Variants in VTI1B observed in about 807,000 individuals in gnomAD.
The protein encoded by VTI1B is vesicle transport through interaction with t-SNAREs homolog 1B.
VTI1B carries 18 observed loss-of-function variants against 28.6 expected under a neutral mutation model. That is an observed-to-expected ratio of 0.63 (90% CI 0.43 to 0.93). The LOEUF (loss-of-function observed/expected upper bound fraction) is 0.93. VTI1B is among the 40% of genes least tolerant of loss of function. The pLI, the probability that VTI1B is intolerant of heterozygous loss-of-function variation, is 0.00. For synonymous variants in VTI1B, 100 were observed against 107.9 expected, an observed-to-expected ratio of 0.93 and a Z score of 0.46; for missense variants, 283 against 297.0, an observed-to-expected ratio of 0.95 and a Z score of 0.35.
intron 1 of VTI1B, among the ~76,000 whole-genome samples, chr14:67,664,741 C>T (rs1342685110): frequency 6.6e-6 from 1 of 152,174 alleles, no homozygotes; most frequent in Non-Finnish European, 1.5e-5. Context: ...TCAAGTGATC[C>T]ATCCACCTCA....
At chr14:67,668,006 T>C (rs998352875) in intron 1 of VTI1B, among the ~76,000 whole-genome samples, 6 of 152,202 alleles carry the variant, frequency 3.9e-5, no homozygotes, top group Admixed American at 2.0e-4. Flanking sequence ...TTCTACAGTC[T>C]GTAAGTAATT....
rs1594832042 is a variant in VTI1B at position 67,650,629 on chromosome 14, G to T, written c.*756C>A. On this transcript the variant is annotated 3_prime_UTR_variant, in exon 6 of 6. Transcript: ENST00000554659. ...AAAATGGACTCTTGTTTTTACTTTGGCTTGTTCTCCCTGTCCCAGTGGGAT... is the reference window on the plus strand; with the variant it reads ...AAAATGGACTCTTGTTTTTACTTTGTCTTGTTCTCCCTGTCCCAGTGGGAT... The T allele has an allele frequency of 2.4e-6, 3 of 1,275,648 alleles. No individual in the cohort carries two copies. 79.0% of individuals were successfully genotyped at this position (1,275,648 alleles called of 1,614,324 possible).
At position 67,662,487 on chromosome 14, in the gene VTI1B, G is replaced by A; in HGVS notation, c.164C>T (p.Ala55Val). Residue 55 changes from alanine to valine, a missense_variant, in exon 2 of 6, where the codon GCA becomes GTA. By Grantham distance (64) the Ala-to-Val change is moderately conservative (BLOSUM62 0). Coordinates refer to ENST00000554659, the MANE Select transcript of VTI1B (RefSeq NM_006370.3). ...GTTCCTTGTTCTCACCGTTTCATTT[G>A]CTTCCTGTTGCTTTTCATCAAAATC... ...IRDFDEKQQEANETLAEMEEE... is the reference protein window; with the variant it reads ...IRDFDEKQQEVNETLAEMEEE... The A allele has an allele frequency of 6.2e-7, 1 of 1,611,682 alleles. No individual in the cohort carries two copies. The highest frequency in any genetic ancestry group is 8.5e-7 in the Non-Finnish European group (1 of 1,179,362).
chr14:67,673,135 G>T (rs1026283738), intron 1 of VTI1B, among the ~76,000 whole-genome samples: 2 of 152,158 alleles, frequency 1.3e-5, no homozygotes, highest in Non-Finnish European at 2.9e-5. Context: ...TTGAGGTCAG[G>T]AGTTAGAGAT....
intron 1 of VTI1B, among the ~76,000 whole-genome samples, chr14:67,665,805 C>A (rs993438049): frequency 3.3e-5 from 5 of 152,098 alleles, no homozygotes; most frequent in Admixed American, 3.3e-4. Context: ...ACACAAGATA[C>A]TTCAGACAAT....
chr14:67,663,275 T>TTA, intron 1 of VTI1B: 1 of 950,292 alleles, frequency 1.1e-6, no homozygotes. Flanking sequence ...TTCTGATAGT[T>TTA]TATACTACAG....
Position 67,674,587 on chromosome 14 carries a change from G to C in VTI1B, c.-98C>G. ...CGCCCAGCCCAGTGGCCATAACGGC[G>C]ACCGCCGCACCACCGCCGCCCAGGA... On this transcript the variant is annotated 5_prime_UTR_variant, in exon 1 of 6. Coordinates refer to ENST00000554659, the MANE Select transcript of VTI1B (RefSeq NM_006370.3). 1 of 1,009,348 alleles carries C rather than the reference G, an allele frequency of 9.9e-7. No homozygotes were observed. Among genetic ancestry groups the C allele is most frequent in the Non-Finnish European group, 1.3e-6 (1 of 743,066 alleles). The allele number at this position is 1,009,348 out of a possible 1,614,324, so 62.5% of individuals were successfully genotyped here. A position where few individuals can be genotyped will look rare whatever the true frequency, so the allele number is the denominator to read the frequency against.
chr14:67,648,323 T>C lies in VTI1B; in HGVS notation c.*3062A>G, dbSNP rs994578394. On this transcript the variant is annotated 3_prime_UTR_variant, in exon 6 of 6. Coordinates refer to ENST00000554659, the MANE Select transcript of VTI1B (RefSeq NM_006370.3). ...TAAACTTTTGTAGCTAAAAATTATA[T>C]GGCCATGCTAATAAAAAGGATATAG... 2.2e-5 allele frequency: 20 copies of C among 916,500 alleles called. No homozygotes were observed. The highest frequency in any genetic ancestry group is 4.0e-5 in the South Asian group (2 of 49,976). The allele number at this position is 916,500 out of a possible 1,614,324, so 56.8% of individuals were successfully genotyped here. A position where few individuals can be genotyped will look rare whatever the true frequency, so the allele number is the denominator to read the frequency against.
intron 1 of VTI1B, chr14:67,663,309 C>A: frequency 3.1e-6 from 2 of 647,942 alleles, no homozygotes; most frequent in Non-Finnish European, 2.5e-6. Context: ...AATATGATAG[C>A]AAGTTTCATT....
Position 67,648,349 on chromosome 14 carries a change from T to C in VTI1B, c.*3036A>G. 1 of 660,380 alleles carries C rather than the reference T, an allele frequency of 1.5e-6. No homozygotes were observed. Among genetic ancestry groups the C allele is most frequent in the Non-Finnish European group, 2.4e-6 (1 of 425,002 alleles). The allele number at this position is 660,380 out of a possible 1,614,324, so 40.9% of individuals were successfully genotyped here. The stretch of plus-strand genomic sequence containing the variant: ...GGCCATGCTAATAAAAAGGATATAG[T>C]CCTTTAGAGTCATGCTTGGACATGG... On this transcript the variant is annotated 3_prime_UTR_variant, in exon 6 of 6. Transcript: ENST00000554659.
chr14:67,651,595 C>CAA, intron 5 of VTI1B, 114 bp from the exon 6 acceptor site: 3 of 1,169,444 alleles, frequency 2.6e-6, no homozygotes, highest in Non-Finnish European at 2.4e-6. Flanking sequence ...TATGTTTGAT[C>CAA]ACACAGCCAC....
At chr14:67,660,288 A>C (rs2037319572) in intron 2 of VTI1B, 1 of 160,494 alleles carries the variant, frequency 6.2e-6, no homozygotes, top group Admixed American at 6.3e-5. Flanking sequence ...TGAAGATCGC[A>C]CAAAAAGGAG....
At chr14:67,654,946 A>G (rs965432373) in intron 4 of VTI1B, among the ~76,000 whole-genome samples, 1 of 146,786 alleles carries the variant, frequency 6.8e-6, no homozygotes, top group Non-Finnish European at 1.5e-5. Context: ...GGAGAATGGC[A>G]TGAACCTGGG....
At chr14:67,664,274 G>A (rs1207662073) in intron 1 of VTI1B, among the ~76,000 whole-genome samples, 1 of 152,004 alleles carries the variant, frequency 6.6e-6, no homozygotes, top group Non-Finnish European at 1.5e-5. Context: ...CTGAAATTCC[G>A]TACCCATCAA....
intron 1 of VTI1B, among the ~76,000 whole-genome samples, chr14:67,670,409 G>A (rs1434837373): frequency 6.6e-6 from 1 of 151,874 alleles, no homozygotes; most frequent in South Asian, 2.1e-4. Context: ...TTGCCTCTTC[G>A]CATTTCCCAT....
chr14:67,651,817 G>A (rs1455784871), intron 5 of VTI1B: 10 of 226,180 alleles, frequency 4.4e-5, no homozygotes, highest in Non-Finnish European at 7.9e-5. Flanking sequence ...GCTCAGGATG[G>A]GTCCTGCCCT....
intron 4 of VTI1B, among the ~76,000 whole-genome samples, chr14:67,655,210 A>T (rs1275356366): frequency 6.6e-6 from 1 of 151,810 alleles, no homozygotes; most frequent in Non-Finnish European, 1.5e-5. Flanking sequence ...GCACAGTAGC[A>T]CATGCCTGTA....
At chr14:67,657,356 C>A (rs2037271355) in intron 3 of VTI1B, 1 of 152,202 alleles carries the variant, frequency 6.6e-6, no homozygotes, top group Non-Finnish European at 1.5e-5. Context: ...CTTGAGCCTG[C>A]CACACTGGGG....
rs1184817054 is a variant in VTI1B, at chr14:67,651,434, A to G, written c.650T>C (p.Leu217Pro). The G allele has an allele frequency of 6.2e-7, 1 of 1,613,944 alleles. No homozygotes were observed. The highest frequency in any genetic ancestry group is 8.5e-7 in the Non-Finnish European group (1 of 1,179,902). The change falls in exon 6 of 6, where the codon CTC becomes CCC. Residue 217 changes from leucine to proline, a missense_variant. Coordinates refer to ENST00000554659, the MANE Select transcript of VTI1B (RefSeq NM_006370.3). ...LLLSIIILLE[L>P]AILGGLVYYK... Reference sequence around the variant, plus strand: ...GTAAACCAGGCCTCCCAGGATGGCGAGCTCCAGTAAGATGATAATGGAAAG... The same window carrying G: ...GTAAACCAGGCCTCCCAGGATGGCGGGCTCCAGTAAGATGATAATGGAAAG...
Sources: gnomAD v4.1 joint callset for allele counts (sites outside exome capture counted in the v4.1 genomes callset) on GRCh38, gnomAD v4.1.1 for gene constraint, MANE v1.5 for transcripts, NCBI Gene and HGNC (gene_info 2026-07-23, HGNC 2026-07-21) for gene names.